The following RALGAPB variants were observed in gnomAD, a reference collection of about 807,000 sequenced individuals.
RALGAPB encodes Ral GTPase activating protein non-catalytic subunit beta.
RALGAPB carries 25 observed loss-of-function variants against 161.1 expected under a neutral mutation model. The ratio of observed to expected loss-of-function variants is 0.16; its 90% CI spans 0.11 to 0.22. The LOEUF (loss-of-function observed/expected upper bound fraction) is 0.22. Among genes scored for constraint, RALGAPB ranks in the 10% least tolerant of loss-of-function variants. The pLI, the probability that RALGAPB is intolerant of heterozygous loss-of-function variation, is 1.00. For missense variants in RALGAPB, 1,391 were observed against 1,815.2 expected (o/e 0.77, Z 4.25); for synonymous variants, 629 against 626.1 (o/e 1.00, Z -0.07).
intron 6 of RALGAPB, among the ~76,000 whole-genome samples, chr20:38,509,773 T>A (rs1179597732): frequency 6.6e-6 from 1 of 152,250 alleles, no homozygotes; most frequent in Non-Finnish European, 1.5e-5. Flanking sequence ...ACATTTATTC[T>A]GTTGTAAACT....
chr20:38,515,094 GTTC>G (rs2086085499), intron 6 of RALGAPB, among the ~76,000 whole-genome samples: 1 of 152,098 alleles, frequency 6.6e-6, no homozygotes, highest in Non-Finnish European at 1.5e-5. Flanking sequence ...TTTACTCCTT[GTTC>G]TTCTAATTTC....
chr20:38,524,995 C>A, intron 11 of RALGAPB, 50 bp downstream of exon 11: 1 of 1,516,646 alleles, frequency 6.6e-7, no homozygotes, highest in South Asian at 1.1e-5. Flanking sequence ...TTGGCCTGGT[C>A]TGTTGGTGCT....
rs754211622 is a variant in RALGAPB, at chr20:38,574,902, C to G, written c.4420C>G (p.Gln1474Glu). 14 of 1,614,032 alleles carry G rather than the reference C, an allele frequency of 8.7e-6. No homozygotes were observed. Among genetic ancestry groups the G allele is most frequent in the Non-Finnish European group, 1.2e-5 (14 of 1,179,884 alleles). The change falls in exon 30 of 30, where the codon CAG (glutamine) becomes GAG (glutamate). Residue 1474 changes from glutamine to glutamate, a missense_variant. Coordinates refer to ENST00000262879, the MANE Select transcript of RALGAPB (RefSeq NM_020336.4). ...TDIVNKYRNKQLEPEFYTSLF... is the reference protein window; with the variant it reads ...TDIVNKYRNKELEPEFYTSLF... ...CATTGTCAACAAGTACCGGAACAAG[C>G]AGCTGGAGCCAGAGTTTTATACTTC...
At chr20:38,567,328 A>G in intron 26 of RALGAPB, 96 bp downstream of exon 26, 1 of 1,473,356 alleles carries the variant, frequency 6.8e-7, no homozygotes, top group Non-Finnish European at 9.0e-7. Flanking sequence ...GAGAGTATTT[A>G]TATCAGAGTA....
At chr20:38,555,370 G>GA (rs1394262129) in intron 22 of RALGAPB, among the ~76,000 whole-genome samples, 2 of 152,280 alleles carry the variant, frequency 1.3e-5, no homozygotes, top group East Asian at 3.9e-4. Context: ...CATGTAGCGG[G>GA]AAAATTTTTT....
At chr20:38,562,151 G>A (rs554975160) in intron 23 of RALGAPB, among the ~76,000 whole-genome samples, 131 of 152,300 alleles carry the variant, frequency 8.6e-4, no homozygotes, top group African/African-American at 2.9e-3. Context: ...CCTATGTAAT[G>A]TTTCTCATTA....
At position 38,558,432 on chromosome 20, in the gene RALGAPB, A is replaced by G; in HGVS notation, c.3510A>G (p.Pro1170=). 4 of 1,591,642 alleles carry G rather than the reference A, an allele frequency of 2.5e-6. 1 individual carries two copies. The South Asian group carries it at 4.7e-5, about 19-fold the overall frequency. The change falls in exon 23 of 30, where the codon CCA becomes CCG. Residue 1170 remains proline, a synonymous_variant. Transcript: ENST00000262879. ...FDTVFIFYMK[P]GQKTNQEILK... ...CAGTTTTTATTTTCTATATGAAGCCAGGTCAGAAAACGAACCAAGAGGTAA... is the reference window on the plus strand; with the variant it reads ...CAGTTTTTATTTTCTATATGAAGCCGGGTCAGAAAACGAACCAAGAGGTAA...
rs1357286265 is a variant in RALGAPB, at chr20:38,578,437, A to G, written c.*3470A>G. On this transcript the variant is annotated 3_prime_UTR_variant, in exon 30 of 30. Transcript: ENST00000262879. Reference sequence around the variant, plus strand: ...TGGGATTCCACAGTGCCTTGCATATAGTAGGCGCCCAGTAAATACTTGTTG... The same window carrying G: ...TGGGATTCCACAGTGCCTTGCATATGGTAGGCGCCCAGTAAATACTTGTTG... The G allele has an allele frequency of 6.6e-6, 1 of 152,624 alleles. No homozygotes were observed. Among genetic ancestry groups the G allele is most frequent in the East Asian group, 1.9e-4 (1 of 5,204 alleles). The allele number at this position is 152,624 out of a possible 1,614,324, so 9.5% of individuals were successfully genotyped here.
chr20:38,545,165 T>C (rs1406779071), intron 18 of RALGAPB, among the ~76,000 whole-genome samples: 1 of 152,168 alleles, frequency 6.6e-6, no homozygotes, highest in Non-Finnish European at 1.5e-5. Flanking sequence ...ATTGAACAGA[T>C]AGACTCGCAA....
intron 10 of RALGAPB, 144 bp downstream of exon 10, chr20:38,521,842 AT>A: frequency 2.3e-6 from 2 of 879,404 alleles, no homozygotes; most frequent in Non-Finnish European, 3.4e-6. Flanking sequence ...GAAATCTTTC[AT>A]TTTACCTGTC....
chr20:38,564,946 TC>T (rs1484410124), intron 24 of RALGAPB, among the ~76,000 whole-genome samples: 1 of 145,790 alleles, frequency 6.9e-6, no homozygotes, highest in Non-Finnish European at 1.5e-5. Flanking sequence ...TCTTCCCCCC[TC>T]TCTCTCTCTC....
intron 28 of RALGAPB, among the ~76,000 whole-genome samples, chr20:38,571,297 A>G (rs1222772847): frequency 6.6e-6 from 1 of 152,150 alleles, no homozygotes; most frequent in Non-Finnish European, 1.5e-5. Flanking sequence ...AGCTGTAGCC[A>G]CTGTACTATA....
In RALGAPB at chr20:38,488,617, A is replaced by T; in HGVS notation, c.185A>T (p.Glu62Val). The T allele has an allele frequency of 1.2e-6, 2 of 1,604,230 alleles. No homozygotes were observed. Among genetic ancestry groups the T allele is most frequent in the East Asian group, 2.2e-5 (1 of 44,694 alleles). ...GAGAATTTGTTAAAAACTGACAAAGAAGTAAGTGTTTCTAAATTTCATTCT... is the reference window on the plus strand; with the variant it reads ...GAGAATTTGTTAAAAACTGACAAAGTAGTAAGTGTTTCTAAATTTCATTCT... Reference protein sequence around the residue: ...GSENLLKTDKEVKWTMEVICY... With the variant: ...GSENLLKTDKVVKWTMEVICY... The change falls in exon 2 of 30, where the codon GAA (glutamate) becomes GTA (valine). Residue 62 changes from glutamate to valine, a missense_variant and splice_region_variant. Around this residue, in one of 3 missense-constraint regions of RALGAPB, gnomAD observed 946 missense variants for 1,257.2 expected, o/e 0.75. Coordinates refer to ENST00000262879, the MANE Select transcript of RALGAPB (RefSeq NM_020336.4).
intron 18 of RALGAPB, among the ~76,000 whole-genome samples, chr20:38,544,000 G>A (rs1447913831): frequency 6.6e-6 from 1 of 152,150 alleles, no homozygotes; most frequent in African/African-American, 2.4e-5. Context: ...AGAAAATTAT[G>A]GAGTGCAGAT....
chr20:38,533,122 C>A (rs528821977), intron 15 of RALGAPB, among the ~76,000 whole-genome samples: 2 of 152,094 alleles, frequency 1.3e-5, no homozygotes, highest in African/African-American at 4.8e-5. Context: ...TTTCTGAATT[C>A]TCTACCATGT....
intron 6 of RALGAPB, among the ~76,000 whole-genome samples, chr20:38,509,896 G>T (rs1007136659): frequency 6.6e-6 from 1 of 151,910 alleles, no homozygotes; most frequent in African/African-American, 2.4e-5. Flanking sequence ...TTATAAGTTA[G>T]GTATGTTAAT....
chr20:38,495,597 A>T (rs2085405506), intron 3 of RALGAPB, among the ~76,000 whole-genome samples: 2 of 152,218 alleles, frequency 1.3e-5, no homozygotes, highest in African/African-American at 4.8e-5. Flanking sequence ...CTCTATTTAC[A>T]ATAAAAGATG....
chr20:38,541,480 C>T (rs2086964221), intron 18 of RALGAPB, among the ~76,000 whole-genome samples: 1 of 151,854 alleles, frequency 6.6e-6, no homozygotes, highest in Admixed American at 6.6e-5. Flanking sequence ...TGTACCCCCT[C>T]ACTTTGATAG....
At chr20:38,541,579 TTATA>T (rs946432677) in intron 18 of RALGAPB, among the ~76,000 whole-genome samples, 2 of 152,168 alleles carry the variant, frequency 1.3e-5, no homozygotes, top group African/African-American at 4.8e-5. Flanking sequence ...GCTATACCAT[TTATA>T]TTACATAGTA....
Sources: allele counts gnomAD v4.1 joint callset (sites outside exome capture counted in the v4.1 genomes callset), GRCh38; gene constraint gnomAD v4.1.1; regional missense constraint gnomAD v4.1.1; transcripts MANE v1.5; gene names NCBI Gene and HGNC (gene_info 2026-07-23, HGNC 2026-07-21).